COX10: variants seen among roughly 807,000 people sequenced by gnomAD.
COX10 encodes cytochrome c oxidase assembly factor heme A:farnesyltransferase COX10, also known as protoheme IX farnesyltransferase, mitochondrial.
COX10 carries 27 observed loss-of-function variants against 37.3 expected under a neutral mutation model. That is an observed-to-expected ratio of 0.72 (90% CI 0.53 to 1.00). The LOEUF (loss-of-function observed/expected upper bound fraction) is 1.00. Among genes scored for constraint, COX10 ranks in the 50% least tolerant of loss-of-function variants. The pLI is 0.00. For missense variants in COX10, 475 were observed against 563.2 expected (o/e 0.84, Z 1.59); for synonymous variants, 222 against 229.1 (o/e 0.97, Z 0.28).
chr17:14,198,643 A>C (rs1445411011), intron 6 of COX10, among the ~76,000 whole-genome samples: 1 of 152,230 alleles, frequency 6.6e-6, no homozygotes, highest in East Asian at 1.9e-4. Context: ...TAGTAACAAA[A>C]AGAGAATGAG....
At chr17:14,188,703 T>G (rs760843156) in intron 5 of COX10, among the ~76,000 whole-genome samples, 1 of 152,204 alleles carries the variant, frequency 6.6e-6, no homozygotes, top group African/African-American at 2.4e-5. Context: ...AAATCAGGAC[T>G]GTGAAGTGGA....
chr17:14,159,516 G>A (rs1021761037), intron 4 of COX10, among the ~76,000 whole-genome samples: 3 of 152,172 alleles, frequency 2.0e-5, no homozygotes, highest in African/African-American at 7.2e-5. Context: ...TCATAGGCAG[G>A]TTCTGGAGGG....
At chr17:14,112,214 G>A (rs866596420) in intron 4 of COX10, among the ~76,000 whole-genome samples, 2 of 152,128 alleles carry the variant, frequency 1.3e-5, no homozygotes, top group Admixed American at 1.3e-4. Flanking sequence ...TAAACACTCA[G>A]TGAACATTCA....
At chr17:14,171,023 T>C (rs1475524165) in intron 5 of COX10, among the ~76,000 whole-genome samples, 2 of 152,122 alleles carry the variant, frequency 1.3e-5, no homozygotes, top group Non-Finnish European at 2.9e-5. Flanking sequence ...AAAAAGAAAT[T>C]CAAGTTATTT....
chr17:14,069,583 G>A lies in COX10; in HGVS notation c.-23G>A, dbSNP rs868720134. ...GGAGAGAGGACACAGGGATCCCGGGGAGCGGCCCCAGACTCGTAAATTATG... is the reference window on the plus strand; with the variant it reads ...GGAGAGAGGACACAGGGATCCCGGGAAGCGGCCCCAGACTCGTAAATTATG... On this transcript the variant is annotated 5_prime_UTR_variant, in exon 1 of 7. Transcript: ENST00000261643. The A allele has an allele frequency of 1.2e-6, 2 of 1,613,844 alleles. No homozygotes were observed. Among genetic ancestry groups the A allele is most frequent in the Non-Finnish European group, 1.7e-6 (2 of 1,179,934 alleles).
At chr17:14,175,142 G>C (rs1156926492) in intron 5 of COX10, among the ~76,000 whole-genome samples, 26 of 122,160 alleles carry the variant, frequency 2.1e-4, no homozygotes, top group African/African-American at 7.6e-4. Flanking sequence ...GAAACTTTTT[G>C]AAAAGATAAA....
At chr17:14,144,341 G>A (rs112863344) in intron 4 of COX10, among the ~76,000 whole-genome samples, 139 of 152,160 alleles carry the variant, frequency 9.1e-4, no homozygotes, top group Middle Eastern at 3.4e-3. Flanking sequence ...GGGTCATACT[G>A]TTGTCACATT....
At chr17:14,099,390 G>A (rs978155056) in intron 3 of COX10, among the ~76,000 whole-genome samples, 2 of 152,014 alleles carry the variant, frequency 1.3e-5, no homozygotes, top group African/African-American at 4.8e-5. Flanking sequence ...TTAGGGAAGG[G>A]GCTTGTTCAT....
chr17:14,069,569 A>C lies in COX10; in HGVS notation c.-37A>C. The C allele has an allele frequency of 3.7e-6, 6 of 1,611,100 alleles. No individual in the cohort carries two copies. Among genetic ancestry groups the C allele is most frequent in the East Asian group, 2.2e-5 (1 of 44,826 alleles). On this transcript the variant is annotated 5_prime_UTR_variant, in exon 1 of 7. Transcript: ENST00000261643. ...CCAGCGTCCCGTGAGGAGAGAGGACACAGGGATCCCGGGGAGCGGCCCCAG... is the reference window on the plus strand; with the variant it reads ...CCAGCGTCCCGTGAGGAGAGAGGACCCAGGGATCCCGGGGAGCGGCCCCAG...
intron 3 of COX10, among the ~76,000 whole-genome samples, chr17:14,081,843 A>G (rs962870537): frequency 2.0e-5 from 3 of 152,226 alleles, no homozygotes; most frequent in Admixed American, 6.5e-5. Context: ...AGACACAATT[A>G]CGGGCTTCTG....
intron 5 of COX10, among the ~76,000 whole-genome samples, chr17:14,188,102 CTTT>C (rs1157321131): frequency 8.9e-5 from 11 of 123,652 alleles, no homozygotes; most frequent in South Asian, 2.7e-4. Context: ...CCTTCTTCTT[CTTT>C]TTTTTTTTTT....
At chr17:14,172,486 T>C (rs141398138) in intron 5 of COX10, among the ~76,000 whole-genome samples, 659 of 152,256 alleles carry the variant, frequency 4.3e-3, no homozygotes, top group Non-Finnish European at 7.6e-3. Flanking sequence ...TATCTCAGTA[T>C]GGTTTTAATT....
At chr17:14,190,307 G>GCAT in intron 5 of COX10, among the ~76,000 whole-genome samples, 1 of 152,318 alleles carries the variant, frequency 6.6e-6, no homozygotes, top group Non-Finnish European at 1.5e-5. Context: ...AGGTTATTGA[G>GCAT]CAGATCCAGG....
intron 6 of COX10, among the ~76,000 whole-genome samples, chr17:14,194,942 GA>G (rs1436636397): frequency 2.0e-5 from 3 of 152,178 alleles, no homozygotes; most frequent in Admixed American, 2.0e-4. Flanking sequence ...TAACCACAAA[GA>G]GAAGTTCCCT....
At chr17:14,158,376 A>T (rs1441932915) in intron 4 of COX10, among the ~76,000 whole-genome samples, 1 of 151,720 alleles carries the variant, frequency 6.6e-6, no homozygotes, top group Non-Finnish European at 1.5e-5. Flanking sequence ...TTTCTCAAAT[A>T]GTTCAGAATA....
intron 2 of COX10, among the ~76,000 whole-genome samples, chr17:14,075,909 G>A (rs914492500): frequency 1.3e-5 from 2 of 150,052 alleles, no homozygotes; most frequent in Middle Eastern, 3.4e-3. Context: ...GGAGAATGGC[G>A]TGAACCTGGG....
chr17:14,110,471 T>C (rs1316250971), intron 4 of COX10, among the ~76,000 whole-genome samples: 1 of 152,054 alleles, frequency 6.6e-6, no homozygotes, highest in Non-Finnish European at 1.5e-5. Flanking sequence ...CAATGTGGAC[T>C]TGGGGAGTTA....
chr17:14,069,745 C>T (rs1281544020), intron 1 of COX10, 97 bp downstream of exon 1: 2 of 1,512,634 alleles, frequency 1.3e-6, no homozygotes, highest in African/African-American at 1.4e-5. Context: ...TTGGGGAGCC[C>T]TTGGCGAGGT....
At chr17:14,107,077 C>G (rs774155586) in intron 4 of COX10, among the ~76,000 whole-genome samples, 1 of 152,086 alleles carries the variant, frequency 6.6e-6, no homozygotes, top group Non-Finnish European at 1.5e-5. Context: ...CATCCCAGCA[C>G]CCCTACTTCT....
Sources: allele counts gnomAD v4.1 joint callset (sites outside exome capture counted in the v4.1 genomes callset), GRCh38; gene constraint gnomAD v4.1.1; transcripts MANE v1.5; gene names NCBI Gene and HGNC (gene_info 2026-07-23, HGNC 2026-07-21).